STX17: variants seen among roughly 807,000 people sequenced by gnomAD.
STX17 encodes syntaxin-17.
A neutral mutation model predicts 35.9 loss-of-function variants in STX17; 29 were observed. The observed-to-expected ratio is 0.81, with a 90% confidence interval of 0.60 to 1.10. The LOEUF (loss-of-function observed/expected upper bound fraction) is 1.10. Ranked by LOEUF, STX17 falls within the 50% of genes least tolerant of loss-of-function variation. The pLI, the probability that STX17 is intolerant of heterozygous loss-of-function variation, is 0.00. For missense variants in STX17, 312 were observed against 352.3 expected (o/e 0.89, Z 0.92); for synonymous variants, 92 against 118.3 (o/e 0.78, Z 1.44).
chr9:99,944,629 C>T (rs1019766780), intron 3 of STX17, among the ~76,000 whole-genome samples: 1 of 151,920 alleles, frequency 6.6e-6, no homozygotes, highest in African/African-American at 2.4e-5. Context: ...ATTCTCCTGC[C>T]TCAGCCTCCC....
intron 6 of STX17, chr9:99,967,291 T>C (rs1829932632): frequency 5.9e-6 from 1 of 169,336 alleles, no homozygotes; most frequent in East Asian, 1.6e-4. Flanking sequence ...TTTGATTTTG[T>C]TGGGTTTTTT....
At chr9:99,932,268 T>A (rs1223073090) in intron 3 of STX17, among the ~76,000 whole-genome samples, 1 of 152,096 alleles carries the variant, frequency 6.6e-6, no homozygotes, top group Non-Finnish European at 1.5e-5. Context: ...TAGAATGAAA[T>A]GAATTCAAGA....
rs572126994 is a variant in STX17, at chr9:99,914,947, TATTTA to T, written c.-62-227_-62-223del. The T allele has an allele frequency of 6.7e-5, 13 of 194,296 alleles. No homozygotes were observed. The South Asian group carries it at 1.3e-3, about 19-fold the overall frequency. The allele number at this position is 194,296 out of a possible 1,614,324, so 12.0% of individuals were successfully genotyped here. On this transcript the variant is annotated intron_variant, in intron 1 of 7. Transcript: ENST00000259400. ...AAGGTGAGGAGATGACTGCTGACTT[TATTTA>T]ATTCTTCATTTATTTATATTGTCTG... is the stretch of plus-strand genomic sequence containing the variant.
chr9:99,973,618 C>T lies in STX17; in HGVS notation c.*4945C>T, dbSNP rs1830054829. Among the ~76,000 whole-genome samples, 1 of 152,152 alleles carries T rather than the reference C, an allele frequency of 6.6e-6. No homozygotes were observed. The highest frequency in any genetic ancestry group is 1.5e-5 in the Non-Finnish European group (1 of 68,028). On this transcript the variant is annotated 3_prime_UTR_variant, in exon 8 of 8. Coordinates refer to ENST00000259400, the MANE Select transcript of STX17 (RefSeq NM_017919.3). ...TCAATTCTCCCTTAAATGTTAGTTG[C>T]ATCCATTTCTAAATATATCCATGGC...
intron 5 of STX17, 36 bp from the exon 6 acceptor site, chr9:99,960,069 G>A (rs756418177): frequency 6.2e-7 from 1 of 1,613,800 alleles, no homozygotes; most frequent in Non-Finnish European, 8.5e-7. Context: ...GTAGTTGTGA[G>A]GCATAAAAGT....
chr9:99,924,725 A>T (rs185376041), intron 2 of STX17, among the ~76,000 whole-genome samples: 65 of 152,114 alleles, frequency 4.3e-4, no homozygotes, highest in African/African-American at 1.5e-3. Context: ...ATTTTTTTCT[A>T]GCCTTTGCCC....
chr9:99,958,588 A>G (rs987470694), intron 4 of STX17, among the ~76,000 whole-genome samples: 2 of 152,220 alleles, frequency 1.3e-5, no homozygotes, highest in Non-Finnish European at 2.9e-5. Flanking sequence ...ACAGTTTATA[A>G]ATAGCCAAAT....
At chr9:99,959,067 A>AAAG (rs1829774625) in intron 4 of STX17, among the ~76,000 whole-genome samples, 1 of 152,224 alleles carries the variant, frequency 6.6e-6, no homozygotes, top group Non-Finnish European at 1.5e-5. Flanking sequence ...TTTACATTGA[A>AAAG]ATAGCCAAAT....
In STX17 at chr9:99,953,319, C is replaced by T. The variant is rs150103166; in HGVS notation, c.415+2034C>T. Among the ~76,000 whole-genome samples the T allele has an allele frequency of 2.1e-3, 312 of 152,076 alleles. 1 individual carries two copies. Among genetic ancestry groups the T allele is most frequent in the African/African-American group, 7.1e-3 (297 of 41,546 alleles). ...ATAATGGACCTAAATGTTTTATAAACATAAATACATAAATATCTTTTTAGA... is the reference window on the plus strand; with the variant it reads ...ATAATGGACCTAAATGTTTTATAAATATAAATACATAAATATCTTTTTAGA... On this transcript the variant is annotated intron_variant, in intron 4 of 7. Coordinates refer to ENST00000259400, the MANE Select transcript of STX17 (RefSeq NM_017919.3).
intron 3 of STX17, among the ~76,000 whole-genome samples, chr9:99,939,429 A>G (rs892088936): frequency 6.6e-6 from 1 of 152,180 alleles, no homozygotes; most frequent in Non-Finnish European, 1.5e-5. Flanking sequence ...CAGGGAGGAA[A>G]TTAAATCTAA....
chr9:99,930,615 C>T (rs1033725847), intron 3 of STX17, among the ~76,000 whole-genome samples: 7 of 152,180 alleles, frequency 4.6e-5, no homozygotes, highest in African/African-American at 1.7e-4. Context: ...TCTTCCCCTA[C>T]TTCCTATGTG....
intron 3 of STX17, among the ~76,000 whole-genome samples, chr9:99,931,791 T>G (rs1829131259): frequency 6.6e-6 from 1 of 152,206 alleles, no homozygotes; most frequent in Non-Finnish European, 1.5e-5. Context: ...ACCTTTTTCC[T>G]TTGAATTCTT....
At position 99,930,278 on chromosome 9, in the gene STX17, A is replaced by AT. The variant is rs1829091736; in HGVS notation, c.189+1442dup. 1.4e-5 allele frequency among the ~76,000 whole-genome samples: 2 copies of AT among 139,060 alleles called. 1 individual carries two copies. Among genetic ancestry groups the AT allele is most frequent in the South Asian group, 4.5e-4 (2 of 4,424 alleles). The allele number at this position is 139,060 out of a possible 152,430, so 91.2% of individuals were successfully genotyped here. Reference sequence around the variant, plus strand: ...TATTTATTTTATTTTATTTCATTTCATTTTTTTGAGACAGAGTCGCCCTCT... The same window carrying AT: ...TATTTATTTTATTTTATTTCATTTCATTTTTTTTGAGACAGAGTCGCCCTCT... On this transcript the variant is annotated intron_variant, in intron 3 of 7. Coordinates refer to ENST00000259400, the MANE Select transcript of STX17 (RefSeq NM_017919.3).
chr9:99,962,832 A>G (rs1179431534), intron 6 of STX17, among the ~76,000 whole-genome samples: 1 of 152,174 alleles, frequency 6.6e-6, no homozygotes, highest in African/African-American at 2.4e-5. Flanking sequence ...AGGGTGACTA[A>G]GTTCTCATGA....
intron 3 of STX17, among the ~76,000 whole-genome samples, chr9:99,945,520 T>A (rs1453393218): frequency 6.6e-6 from 1 of 152,144 alleles, no homozygotes; most frequent in Non-Finnish European, 1.5e-5. Flanking sequence ...TTAAGTTTTT[T>A]AAAATTCAGT....
chr9:99,931,931 G>T (rs900597275), intron 3 of STX17, among the ~76,000 whole-genome samples: 29 of 152,120 alleles, frequency 1.9e-4, no homozygotes, highest in Non-Finnish European at 1.2e-4. Flanking sequence ...AAAGTAGATT[G>T]CTTGTCTTCT....
chr9:99,947,426 T>C (rs531705030), intron 3 of STX17, among the ~76,000 whole-genome samples: 3 of 152,318 alleles, frequency 2.0e-5, no homozygotes, highest in Admixed American at 2.0e-4. Context: ...TTCTGTTGCC[T>C]GTTGTTTTTG....
chr9:99,928,744 A>C (rs1425591113), intron 2 of STX17, 34 bp from the exon 3 acceptor site: 13 of 1,597,548 alleles, frequency 8.1e-6, no homozygotes, highest in Non-Finnish European at 1.1e-5. Context: ...TTAGTGATGA[A>C]AAATTTAATA....
chr9:99,912,502 A>T (rs891302651), intron 1 of STX17, among the ~76,000 whole-genome samples: 2 of 152,202 alleles, frequency 1.3e-5, no homozygotes, highest in African/African-American at 4.8e-5. Context: ...AGTTTCTCAT[A>T]CATTCTAGAT....
Sources: gnomAD v4.1 joint callset for allele counts (sites outside exome capture counted in the v4.1 genomes callset) on GRCh38, gnomAD v4.1.1 for gene constraint, MANE v1.5 for transcripts, NCBI Gene and HGNC (gene_info 2026-07-23, HGNC 2026-07-21) for gene names.